The following PARP11 variants were observed in gnomAD, a reference collection of about 807,000 sequenced individuals.
The protein encoded by PARP11 is poly(ADP-ribose) polymerase family member 11, also known as protein mono-ADP-ribosyltransferase PARP11.
PARP11 carries 31 observed loss-of-function variants against 42.9 expected under a neutral mutation model. The ratio of observed to expected loss-of-function variants is 0.72; its 90% confidence interval spans 0.54 to 0.98. The LOEUF is 0.98. Among genes scored for constraint, PARP11 ranks in the 50% least tolerant of loss-of-function variants. The pLI, the probability that PARP11 is intolerant of heterozygous loss-of-function variation, is 0.00. For missense variants in PARP11, 365 were observed against 413.1 expected, an observed-to-expected ratio of 0.88 and a Z score of 1.01; for synonymous variants, 137 against 127.3, an observed-to-expected ratio of 1.08 and a Z score of -0.51.
chr12:3,824,838 T>C lies in PARP11; in HGVS notation c.344+1320A>G, dbSNP rs541884981. ...TTCTGAAGATAAGTAATTCTTTTATTATATTATTTGTACTAAAGAATGTGG... is the reference window on the plus strand; with the variant it reads ...TTCTGAAGATAAGTAATTCTTTTATCATATTATTTGTACTAAAGAATGTGG... On this transcript the variant is annotated intron_variant, in intron 4 of 7. Coordinates refer to ENST00000228820, the MANE Select transcript of PARP11 (RefSeq NM_020367.6). 1.9e-4 allele frequency among the ~76,000 whole-genome samples: 29 copies of C among 152,348 alleles called. 1 individual carries two copies. The highest frequency in any genetic ancestry group is 1.8e-3 in the Admixed American group (27 of 15,304).
At chr12:3,845,685 T>A (rs1947981926) in intron 1 of PARP11, among the ~76,000 whole-genome samples, 1 of 152,254 alleles carries the variant, frequency 6.6e-6, no homozygotes, top group Non-Finnish European at 1.5e-5. Context: ...TCCTACTTTA[T>A]GTCTAAATGC....
Position 3,873,361 on chromosome 12 carries a change from C to T in PARP11, c.-132G>A. On this transcript the variant is annotated 5_prime_UTR_variant, in exon 1 of 8. Coordinates refer to ENST00000228820, the MANE Select transcript of PARP11 (RefSeq NM_020367.6). ...AGATGCAACCTTTACGAAGGCCTTC[C>T]TCCTCCCCCTCCCTGTCACAAGCCA... The T allele has an allele frequency of 1.3e-6, 1 of 783,066 alleles. No homozygotes were observed. 48.5% of individuals were successfully genotyped at this position (783,066 alleles called of 1,614,324 possible). A position where few individuals can be genotyped will look rare whatever the true frequency, so the allele number is the denominator to read the frequency against.
intron 1 of PARP11, among the ~76,000 whole-genome samples, chr12:3,870,510 C>A (rs955932219): frequency 6.6e-6 from 1 of 152,182 alleles, no homozygotes; most frequent in African/African-American, 2.4e-5. Context: ...ATAATTCTCA[C>A]AAACACACAA....
intron 4 of PARP11, among the ~76,000 whole-genome samples, chr12:3,825,408 G>C (rs1947498251): frequency 6.6e-6 from 1 of 152,144 alleles, no homozygotes; most frequent in African/African-American, 2.4e-5. Flanking sequence ...CTACAAATTT[G>C]AAATTACTTC....
At chr12:3,843,858 T>G (rs1947942823) in intron 1 of PARP11, among the ~76,000 whole-genome samples, 1 of 152,246 alleles carries the variant, frequency 6.6e-6, no homozygotes, top group African/African-American at 2.4e-5. Context: ...GATTATCTTC[T>G]GATCAGGAAG....
intron 1 of PARP11, chr12:3,872,881 A>C: frequency 2.8e-5 from 20 of 703,356 alleles, no homozygotes; most frequent in Non-Finnish European, 3.1e-5. Context: ...GGCCGAGATC[A>C]CGCCACTGCA....
In PARP11 at chr12:3,814,061, T is replaced by C; in HGVS notation, c.676A>G (p.Ile226Val). The change falls in exon 7 of 8, where the codon ATA becomes GTA. Residue 226 changes from isoleucine (I) to valine (V), a missense_variant. Transcript: ENST00000228820. Reference sequence around the variant, plus strand: ...CCTTTTCCAAAGACAGCACCATGTATACCATTTATTCTCCAATCAAAGTTA... The same window carrying C: ...CCTTTTCCAAAGACAGCACCATGTACACCATTTATTCTCCAATCAAAGTTA... ...IHNFDWRING[I>V]HGAVFGKGTY... 6.2e-7 allele frequency: 1 copy of C among 1,601,686 alleles called. No individual in the cohort carries two copies. Among genetic ancestry groups the C allele is most frequent in the Non-Finnish European group, 8.5e-7 (1 of 1,172,324 alleles).
At chr12:3,814,941 G>A (rs1480469904) in intron 6 of PARP11, 1 of 440,416 alleles carries the variant, frequency 2.3e-6, no homozygotes, top group Non-Finnish European at 4.6e-6. Context: ...TATTATGTAG[G>A]TATACATACA....
intron 1 of PARP11, among the ~76,000 whole-genome samples, chr12:3,865,881 G>C (rs1362914591): frequency 7.9e-6 from 1 of 125,954 alleles, no homozygotes; most frequent in Non-Finnish European, 1.6e-5. Context: ...TTTACGTCTT[G>C]TTATTTGCTT....
At chr12:3,867,677 A>C (rs1948415107) in intron 1 of PARP11, among the ~76,000 whole-genome samples, 1 of 152,200 alleles carries the variant, frequency 6.6e-6, no homozygotes, top group Admixed American at 6.5e-5. Flanking sequence ...GGTTTTCTTC[A>C]CTTCTTAGAG....
intron 1 of PARP11, among the ~76,000 whole-genome samples, chr12:3,833,227 A>G (rs1947684103): frequency 6.6e-6 from 1 of 152,232 alleles, no homozygotes; most frequent in Non-Finnish European, 1.5e-5. Flanking sequence ...CTCAAACCTG[A>G]TCTTAAAAGC....
intron 4 of PARP11, among the ~76,000 whole-genome samples, chr12:3,823,942 A>G (rs1351294178): frequency 6.6e-6 from 1 of 152,072 alleles, no homozygotes; most frequent in Non-Finnish European, 1.5e-5. Context: ...TGCTACAGGA[A>G]CACATTTGTT....
chr12:3,862,594 T>C (rs114360720), intron 1 of PARP11, among the ~76,000 whole-genome samples: 8,915 of 149,086 alleles, frequency 0.06, 337 homozygotes, highest in East Asian at 0.19. Flanking sequence ...TATTAGTATA[T>C]TTTATATACT....
At chr12:3,837,350 C>T (rs12309075) in intron 1 of PARP11, among the ~76,000 whole-genome samples, 9,049 of 152,216 alleles carry the variant, frequency 0.059, 358 homozygotes, top group African/African-American at 0.1. Flanking sequence ...TACTCAACAG[C>T]TAAATTACAA....
At chr12:3,872,990 T>G (rs906767433) in intron 1 of PARP11, 1 of 189,498 alleles carries the variant, frequency 5.3e-6, no homozygotes, top group African/African-American at 2.4e-5. Flanking sequence ...GTAAAATAAA[T>G]AATTGTAACA....
In PARP11 at chr12:3,840,653, A is replaced by T; in HGVS notation, c.19-10635T>A. 1.7e-6 allele frequency: 2 copies of T among 1,199,126 alleles called. No homozygotes were observed. The highest frequency in any genetic ancestry group is 2.5e-6 in the Non-Finnish European group (2 of 800,986). 74.3% of individuals were successfully genotyped at this position (1,199,126 alleles called of 1,614,324 possible). A position where few individuals can be genotyped will look rare whatever the true frequency, so the allele number is the denominator to read the frequency against. Reference sequence around the variant, plus strand: ...GAGTAGCAATCCATGTGTCCAGAGAAAATCATCACACGTAAGTGATAGAAA... The same window carrying T: ...GAGTAGCAATCCATGTGTCCAGAGATAATCATCACACGTAAGTGATAGAAA... On this transcript the variant is annotated intron_variant, in intron 1 of 7. Transcript: ENST00000228820. The surrounding 1 kb of genome is among the most constrained non-coding windows in gnomAD (Gnocchi z 4.4).
At chr12:3,842,890 A>C (rs770647917) in intron 1 of PARP11, among the ~76,000 whole-genome samples, 10 of 152,248 alleles carry the variant, frequency 6.6e-5, no homozygotes, top group Non-Finnish European at 1.5e-4. Flanking sequence ...TATAGTGCTT[A>C]CTAAAGTGAC....
At chr12:3,845,979 T>C (rs939746272) in intron 1 of PARP11, among the ~76,000 whole-genome samples, 5 of 152,192 alleles carry the variant, frequency 3.3e-5, no homozygotes, top group African/African-American at 1.2e-4. Flanking sequence ...AAAACGATAA[T>C]AGCCTTACAC....
At chr12:3,854,761 TC>T (rs1277979330) in intron 1 of PARP11, among the ~76,000 whole-genome samples, 4 of 151,200 alleles carry the variant, frequency 2.6e-5, no homozygotes, top group Non-Finnish European at 4.4e-5. Flanking sequence ...AAAAAGGGAA[TC>T]CCCCCTAACT....
Sources: allele counts gnomAD v4.1 joint callset (sites outside exome capture counted in the v4.1 genomes callset), GRCh38; gene constraint gnomAD v4.1.1; non-coding constraint Gnocchi (gnomAD v3.1); transcripts MANE v1.5; gene names NCBI Gene and HGNC (gene_info 2026-07-23, HGNC 2026-07-21).